Variants in EHBP1 observed in about 807,000 individuals in gnomAD.
EHBP1 encodes the protein EH domain-binding protein 1.
EHBP1 carries 55 observed loss-of-function variants against 144.0 expected under a neutral mutation model. That is an observed-to-expected ratio of 0.38 (90% confidence interval 0.31 to 0.48). The LOEUF (loss-of-function observed/expected upper bound fraction) is 0.48, where lower values mean the gene tolerates loss of function less well. Ranked by LOEUF, EHBP1 falls within the 20% of genes least tolerant of loss-of-function variation. The probability of loss-of-function intolerance (pLI) is 0.98; values close to 1 mark genes in which losing one functional copy is unlikely to be tolerated. For missense variants in EHBP1, 1,200 were observed against 1,364.2 expected, an observed-to-expected ratio of 0.88 and a Z score of 1.90; for synonymous variants, 469 against 472.7, an observed-to-expected ratio of 0.99 and a Z score of 0.10.
At chr2:63,024,833 C>CA (rs1026483657) in intron 19 of EHBP1, among the ~76,000 whole-genome samples, 1 of 151,048 alleles carries the variant, frequency 6.6e-6, no homozygotes, top group Admixed American at 6.6e-5. Context: ...CCCATGTCTA[C>CA]AAAAAAATTA....
chr2:62,722,992 G>A (rs541841721), intron 2 of EHBP1, among the ~76,000 whole-genome samples: 7 of 152,152 alleles, frequency 4.6e-5, no homozygotes, highest in African/African-American at 7.2e-5. Flanking sequence ...GTTGTTTTTG[G>A]ATGGAGAGTT....
At chr2:62,793,583 A>G (rs1486295423) in intron 5 of EHBP1, among the ~76,000 whole-genome samples, 3 of 152,116 alleles carry the variant, frequency 2.0e-5, no homozygotes, top group African/African-American at 4.8e-5. Context: ...TGTGTGTGGT[A>G]AAAATGAAAT....
chr2:63,020,320 T>C, intron 19 of EHBP1, among the ~76,000 whole-genome samples: 1 of 122,566 alleles, frequency 8.2e-6, no homozygotes, highest in Admixed American at 9.0e-5. Context: ...TGAGACTCTG[T>C]CTCAAAAAAA....
In EHBP1 at chr2:63,045,667, TAATATACAG is replaced by T. The variant is rs2061928321; in HGVS notation, c.*170_*178del. On this transcript the variant is annotated 3_prime_UTR_variant, in exon 23 of 23. Transcript: ENST00000431489. This position sits in a 1 kb window ranked among gnomAD's most constrained non-coding sequence, Gnocchi z 5.7. ...ACCCTTTTCCTCCCTCCTTTCCAAA[TAATATACAG>T]AACTCCAAAATAGCTTCATTTAAGG... The T allele has an allele frequency of 3.4e-6, 2 of 593,694 alleles. No individual in the cohort carries two copies. Among genetic ancestry groups the T allele is most frequent in the African/African-American group, 1.9e-5 (1 of 53,742 alleles). The allele number at this position is 593,694 out of a possible 1,614,324, so 36.8% of individuals were successfully genotyped here. A position where few individuals can be genotyped will look rare whatever the true frequency, so the allele number is the denominator to read the frequency against.
intron 2 of EHBP1, among the ~76,000 whole-genome samples, chr2:62,737,080 A>G (rs978126293): frequency 6.6e-6 from 1 of 152,120 alleles, no homozygotes; most frequent in African/African-American, 2.4e-5. Context: ...TTTAGCGCTT[A>G]GGTGGGGCAG....
intron 1 of EHBP1, among the ~76,000 whole-genome samples, chr2:62,685,543 C>CT (rs1399686778): frequency 6.6e-6 from 1 of 152,120 alleles, no homozygotes; most frequent in Non-Finnish European, 1.5e-5. Flanking sequence ...TCATATTGGA[C>CT]TAGGGTCCAC....
At chr2:62,829,885 C>A (rs2046673395) in intron 6 of EHBP1, among the ~76,000 whole-genome samples, 1 of 150,100 alleles carries the variant, frequency 6.7e-6, no homozygotes, top group African/African-American at 2.4e-5. Flanking sequence ...TTTTACACTG[C>A]TGGTGAGAAT....
chr2:62,742,487 C>A (rs1339952095), intron 2 of EHBP1, among the ~76,000 whole-genome samples: 1 of 151,996 alleles, frequency 6.6e-6, no homozygotes, highest in Admixed American at 6.6e-5. Context: ...AAGATACTTA[C>A]CCTGGAGAAA....
chr2:62,749,341 T>A (rs2039456551), intron 3 of EHBP1, among the ~76,000 whole-genome samples: 1 of 152,252 alleles, frequency 6.6e-6, no homozygotes, highest in South Asian at 2.1e-4. Context: ...CCGCATAGTA[T>A]TCCATGGTGT....
intron 10 of EHBP1, among the ~76,000 whole-genome samples, chr2:62,882,521 C>G (rs1052918314): frequency 1.3e-5 from 2 of 152,210 alleles, no homozygotes; most frequent in African/African-American, 4.8e-5. Context: ...TTGCCTACTT[C>G]CTATACCATT....
chr2:62,975,887 T>TACACACACACACAC (rs57375651), intron 14 of EHBP1, among the ~76,000 whole-genome samples: 22 of 123,666 alleles, frequency 1.8e-4, no homozygotes, highest in African/African-American at 3.7e-4. Flanking sequence ...TTACTGTATG[T>TACACACACACACAC]ACACACACAC....
At chr2:62,811,051 A>G (rs1353711003) in intron 5 of EHBP1, among the ~76,000 whole-genome samples, 1 of 152,180 alleles carries the variant, frequency 6.6e-6, no homozygotes, top group Non-Finnish European at 1.5e-5. Context: ...AAGAAGGTTG[A>G]GGATTTTTAT....
chr2:62,673,902 G>C, exon 1 of EHBP1: 1 of 397,784 alleles, frequency 2.5e-6, no homozygotes, highest in Non-Finnish European at 5.1e-6. Context: ...CCTCCCCAAA[G>C]AGAGACTCCA....
intron 19 of EHBP1, among the ~76,000 whole-genome samples, chr2:63,022,017 C>T (rs553218977): frequency 1.3e-4 from 20 of 152,154 alleles, no homozygotes; most frequent in South Asian, 2.1e-4. Flanking sequence ...CCGCCCACCT[C>T]GGCCTCCCAA....
intron 10 of EHBP1, among the ~76,000 whole-genome samples, chr2:62,906,396 T>G (rs1369900574): frequency 6.6e-6 from 1 of 152,168 alleles, no homozygotes; most frequent in Non-Finnish European, 1.5e-5. Flanking sequence ...GTTCGTCATC[T>G]TGCTCTTTTT....
chr2:63,024,100 CT>C (rs1482849203), intron 19 of EHBP1, among the ~76,000 whole-genome samples: 10 of 152,256 alleles, frequency 6.6e-5, no homozygotes, highest in Non-Finnish European at 1.5e-4. Flanking sequence ...AATCCCAACA[CT>C]TTGGGAGGCC....
chr2:62,786,278 G>C (rs1479214811), intron 5 of EHBP1, among the ~76,000 whole-genome samples: 1 of 152,164 alleles, frequency 6.6e-6, no homozygotes. Flanking sequence ...CTCTCTTTCA[G>C]TGGGTTAGTG....
At chr2:62,686,613 C>A (rs892786212) in intron 1 of EHBP1, among the ~76,000 whole-genome samples, 10 of 152,266 alleles carry the variant, frequency 6.6e-5, no homozygotes, top group African/African-American at 2.4e-4. Flanking sequence ...TTGTACTGAG[C>A]TGTGTGTATC....
rs1286516649 is a variant in EHBP1 at position 62,955,584 on chromosome 2, G to A, written c.2384G>A (p.Arg795Lys). 6.2e-7 allele frequency: 1 copy of A among 1,613,152 alleles called. No homozygotes were observed. Among genetic ancestry groups the A allele is most frequent in the Admixed American group, 1.7e-5 (1 of 59,924 alleles). Reference sequence around the variant, plus strand: ...AGAGTTCTGCTTGAGCAAGCAAGAAGAGATGCAGCCTTAAAGGCGGGGAAT... The same window carrying A: ...AGAGTTCTGCTTGAGCAAGCAAGAAAAGATGCAGCCTTAAAGGCGGGGAAT... ...RARVLLEQARRDAALKAGNKH... is the reference protein window; with the variant it reads ...RARVLLEQARKDAALKAGNKH... The change falls in exon 14 of 23, where the codon AGA becomes AAA. Residue 795 changes from arginine to lysine, a missense_variant. Arg to Lys is a conservative substitution (Grantham distance 26). Coordinates refer to ENST00000431489, the MANE Select transcript of EHBP1 (RefSeq NM_001142616.3).
Sources: gnomAD v4.1 joint callset for allele counts (sites outside exome capture counted in the v4.1 genomes callset) on GRCh38, gnomAD v4.1.1 for gene constraint, Gnocchi (gnomAD v3.1) non-coding constraint, MANE v1.5 for transcripts, NCBI Gene and HGNC (gene_info 2026-07-23, HGNC 2026-07-21) for gene names.